Variants in SLC38A3 observed in about 807,000 individuals in gnomAD.
SLC38A3 encodes the protein sodium-coupled neutral amino acid transporter 3.
A neutral mutation model predicts 59.5 loss-of-function variants in SLC38A3; 17 were observed. That is an observed-to-expected ratio of 0.29 (90% CI 0.20 to 0.43). SLC38A3 has a LOEUF of 0.43. Among genes scored for constraint, SLC38A3 ranks in the 20% least tolerant of loss-of-function variants. The pLI, the probability that SLC38A3 is intolerant of heterozygous loss-of-function variation, is 1.00. For synonymous variants in SLC38A3, 238 were observed against 260.3 expected, an observed-to-expected ratio of 0.91 and a Z score of 0.82; for missense variants, 454 against 653.9, an observed-to-expected ratio of 0.69 and a Z score of 3.33.
Position 50,217,833 on chromosome 3 carries a change from A to G in SLC38A3, c.848A>G (p.Asn283Ser), listed in dbSNP as rs771342727. The G allele has an allele frequency of 3.7e-6, 6 of 1,613,918 alleles. No individual in the cohort carries two copies. In the Admixed American group the frequency reaches 1.0e-4, roughly 27 times the overall value. ...TGCACTCCCAGCTACTTCACGCTCA[A>G]CTCACAGGTTCTGACAGGTCAGGGC... ...AFCTPSYFTLNSQTAYTIPIM... is the reference protein window; with the variant it reads ...AFCTPSYFTLSSQTAYTIPIM... The change falls in exon 10 of 16, where the codon AAC (asparagine) becomes AGC (serine). Residue 283 changes from asparagine to serine, a missense_variant. Coordinates refer to ENST00000614032, the MANE Select transcript of SLC38A3 (RefSeq NM_006841.6). This position sits in a 1 kb window ranked among gnomAD's most constrained non-coding sequence, Gnocchi z 4.9.
chr3:50,212,005 C>T (rs1699738590), intron 1 of SLC38A3, among the ~76,000 whole-genome samples: 1 of 152,156 alleles, frequency 6.6e-6, no homozygotes. Flanking sequence ...GGCTGGAGGT[C>T]ACTTAAGGAG....
At chr3:50,209,985 G>A (rs1699701662) in intron 1 of SLC38A3, among the ~76,000 whole-genome samples, 1 of 152,180 alleles carries the variant, frequency 6.6e-6, no homozygotes, top group South Asian at 2.1e-4. Flanking sequence ...GGTAAGAGGT[G>A]TCTTTTCCCT....
intron 1 of SLC38A3, among the ~76,000 whole-genome samples, chr3:50,208,949 C>G (rs1699684390): frequency 6.6e-6 from 1 of 152,200 alleles, no homozygotes; most frequent in Non-Finnish European, 1.5e-5. Flanking sequence ...TGACTTTAGC[C>G]CCCCATCGGA....
chr3:50,212,909 A>G (rs1233308492), intron 1 of SLC38A3, among the ~76,000 whole-genome samples: 1 of 152,180 alleles, frequency 6.6e-6, no homozygotes, highest in Non-Finnish European at 1.5e-5. Context: ...ATTCAGGACC[A>G]GGTTCTGGCT....
At chr3:50,211,271 C>T (rs987610905) in intron 1 of SLC38A3, among the ~76,000 whole-genome samples, 2 of 152,232 alleles carry the variant, frequency 1.3e-5, no homozygotes, top group Non-Finnish European at 1.5e-5. Flanking sequence ...TGGCTGGGGG[C>T]TCCATGCCAG....
chr3:50,214,209 C>A lies in SLC38A3; in HGVS notation c.10C>A (p.Pro4Thr). 6.2e-7 allele frequency: 1 copy of A among 1,613,628 alleles called. No homozygotes were observed. The change falls in exon 2 of 16, where the codon CCT (proline) becomes ACT (threonine). Residue 4 changes from proline (P) to threonine (T), a missense_variant. Transcript: ENST00000614032. This position sits in a 1 kb window ranked among gnomAD's most constrained non-coding sequence, Gnocchi z 6.0. MEA[P>T]LQTEMVELVP... ...TGGTGTGCCCTGAGCCATGGAGGCGCCTTTGCAGACAGAGATGGTGGAGCT... is the reference window on the plus strand; with the variant it reads ...TGGTGTGCCCTGAGCCATGGAGGCGACTTTGCAGACAGAGATGGTGGAGCT...
At chr3:50,211,244 C>G (rs561136258) in intron 1 of SLC38A3, among the ~76,000 whole-genome samples, 1 of 152,346 alleles carries the variant, frequency 6.6e-6, no homozygotes, top group Admixed American at 6.5e-5. Context: ...CAAAAATGGG[C>G]TGGCAGCCTC....
intron 1 of SLC38A3, among the ~76,000 whole-genome samples, chr3:50,209,660 A>G (rs1014562005): frequency 7.3e-5 from 11 of 151,450 alleles, no homozygotes; most frequent in Non-Finnish European, 1.6e-4. Context: ...AAAAAAAAAA[A>G]CAAGAAAAAA....
In SLC38A3 at chr3:50,214,401, G is replaced by T; in HGVS notation, c.102-1G>T. ...CCACCCACCCTGACCTGTGCCTACA[G>T]GGTCGAGGACCCTGCACGGAGCTGT... On this transcript the variant is annotated splice_acceptor_variant, in intron 2 of 15. Transcript: ENST00000614032. LOFTEE classifies it high-confidence loss of function. The surrounding 1 kb of genome is among the most constrained non-coding windows in gnomAD (Gnocchi z 6.0). 6.3e-7 allele frequency: 1 copy of T among 1,592,380 alleles called. No individual in the cohort carries two copies. Among genetic ancestry groups the T allele is most frequent in the Non-Finnish European group, 8.6e-7 (1 of 1,169,496 alleles).
At position 50,218,330 on chromosome 3, in the gene SLC38A3, G is replaced by T; in HGVS notation, c.996G>T (p.Met332Ile). 1 of 1,613,682 alleles carries T rather than the reference G, an allele frequency of 6.2e-7. No homozygotes were observed. Reference sequence around the variant, plus strand: ...TGTCCATCGCTGTCATGTACATCATGTACTTCCTGGCTGCCCTCTTCGGCT... The same window carrying T: ...TGTCCATCGCTGTCATGTACATCATTTACTTCCTGGCTGCCCTCTTCGGCT... ...SNLSIAVMYI[M>I]YFLAALFGYL... The change falls in exon 12 of 16, where the codon ATG (methionine) becomes ATT (isoleucine). Residue 332 changes from methionine (M) to isoleucine (I), a missense_variant. Physicochemically the swap from Met to Ile is conservative, Grantham distance 10. Coordinates refer to ENST00000614032, the MANE Select transcript of SLC38A3 (RefSeq NM_006841.6). This position sits in a 1 kb window ranked among gnomAD's most constrained non-coding sequence, Gnocchi z 5.8.
In SLC38A3 at chr3:50,217,341, G is replaced by A; in HGVS notation, c.631+21G>A. 6.2e-7 allele frequency: 1 copy of A among 1,612,288 alleles called. No homozygotes were observed. Among genetic ancestry groups the A allele is most frequent in the Non-Finnish European group, 8.5e-7 (1 of 1,178,968 alleles). ...GCTTGGTGAGTGTGGAAGGGTCAGA[G>A]CCTTGGAGGGGATGTTGGAGGCATA... On this transcript the variant is annotated intron_variant, in intron 8 of 15. Transcript: ENST00000614032. The surrounding 1 kb of genome is among the most constrained non-coding windows in gnomAD (Gnocchi z 4.9).
chr3:50,206,126 CCCCTT>C (rs1699644431), intron 1 of SLC38A3, among the ~76,000 whole-genome samples: 1 of 152,258 alleles, frequency 6.6e-6, no homozygotes, highest in Admixed American at 6.5e-5. Context: ...GCCCGGTTGG[CCCCTT>C]CGATTGGCCA....
chr3:50,207,302 T>G (rs749784830), intron 1 of SLC38A3: 4 of 152,144 alleles, frequency 2.6e-5, no homozygotes, highest in East Asian at 1.9e-4. Context: ...TGCATTCCAT[T>G]CGTTTATTTT....
chr3:50,220,392 A>G lies in SLC38A3; in HGVS notation c.*215A>G, dbSNP rs79997200. 4,508 of 568,604 alleles carry G rather than the reference A, an allele frequency of 7.9e-3. 168 individuals are homozygous for G. Among genetic ancestry groups the G allele is most frequent in the African/African-American group, 0.075 (3,978 of 53,336 alleles). The allele number at this position is 568,604 out of a possible 1,614,324, so 35.2% of individuals were successfully genotyped here. A position where few individuals can be genotyped will look rare whatever the true frequency, so the allele number is the denominator to read the frequency against. On this transcript the variant is annotated 3_prime_UTR_variant, in exon 16 of 16. Coordinates refer to ENST00000614032, the MANE Select transcript of SLC38A3 (RefSeq NM_006841.6). The stretch of plus-strand genomic sequence containing the variant: ...ACCCTGCTAGGCTCTGGAGCTGTAG[A>G]GGCTTCCTGAACTGGGAGCAGGGTA...
Position 50,220,476 on chromosome 3 carries a change from A to C in SLC38A3, c.*299A>C. The stretch of plus-strand genomic sequence containing the variant: ...ATTCCCTCCTTGCACAGATGCATAC[A>C]CTGGGGCCCAGCAGCTGCCTCCTGA... On this transcript the variant is annotated 3_prime_UTR_variant, in exon 16 of 16. Coordinates refer to ENST00000614032, the MANE Select transcript of SLC38A3 (RefSeq NM_006841.6). 1 of 384,420 alleles carries C rather than the reference A, an allele frequency of 2.6e-6. No homozygotes were observed. The highest frequency in any genetic ancestry group is 4.8e-6 in the Non-Finnish European group (1 of 206,536). 23.8% of individuals were successfully genotyped at this position (384,420 alleles called of 1,614,324 possible).
intron 1 of SLC38A3, among the ~76,000 whole-genome samples, chr3:50,206,560 G>T (rs1262098193): frequency 3.9e-5 from 6 of 152,226 alleles, no homozygotes; most frequent in Admixed American, 3.9e-4. Flanking sequence ...TTTTGAATGG[G>T]GGAAATTCGG....
chr3:50,215,940 A>C lies in SLC38A3; in HGVS notation c.548+119A>C. The C allele has an allele frequency of 1.3e-6, 1 of 769,960 alleles. No individual in the cohort carries two copies. The highest frequency in any genetic ancestry group is 2.2e-6 in the Non-Finnish European group (1 of 464,114). 47.7% of individuals were successfully genotyped at this position (769,960 alleles called of 1,614,324 possible). A position where few individuals can be genotyped will look rare whatever the true frequency, so the allele number is the denominator to read the frequency against. On this transcript the variant is annotated intron_variant, in intron 7 of 15. Transcript: ENST00000614032. The surrounding 1 kb of genome is among the most constrained non-coding windows in gnomAD (Gnocchi z 7.1). ...CTGGGCTGGTGGGAGAGACAAGACAAAGCAGACAAGAAGCTGGTGGAGTGG... is the reference window on the plus strand; with the variant it reads ...CTGGGCTGGTGGGAGAGACAAGACACAGCAGACAAGAAGCTGGTGGAGTGG...
At position 50,218,065 on chromosome 3, in the gene SLC38A3, C is replaced by A; in HGVS notation, c.935+69C>A. The A allele has an allele frequency of 6.7e-7, 1 of 1,484,072 alleles. No individual in the cohort carries two copies. The highest frequency in any genetic ancestry group is 1.2e-5 in the South Asian group (1 of 86,882). The allele number at this position is 1,484,072 out of a possible 1,614,324, so 91.9% of individuals were successfully genotyped here. On this transcript the variant is annotated intron_variant, in intron 11 of 15. Coordinates refer to ENST00000614032, the MANE Select transcript of SLC38A3 (RefSeq NM_006841.6). This position sits in a 1 kb window ranked among gnomAD's most constrained non-coding sequence, Gnocchi z 5.8. ...TGGTTTGGGGAGAATGGATGTGGTCCTGAATGTGGAGAGGGGAGTGACAGG... is the reference window on the plus strand; with the variant it reads ...TGGTTTGGGGAGAATGGATGTGGTCATGAATGTGGAGAGGGGAGTGACAGG...
rs778473239 is a variant in SLC38A3, at chr3:50,219,863, A to C, written c.1307-18A>C. ...AGGAGGATATGAGCCAGCAGTGGCC[A>C]TGTCTTGTTCTTTGCAGGTGCCACA... On this transcript the variant is annotated intron_variant, in intron 14 of 15. Transcript: ENST00000614032. 3.8e-6 allele frequency: 6 copies of C among 1,598,732 alleles called. No homozygotes were observed. The highest frequency in any genetic ancestry group is 5.1e-6 in the Non-Finnish European group (6 of 1,170,428).
Sources: gnomAD v4.1 joint callset for allele counts (sites outside exome capture counted in the v4.1 genomes callset) on GRCh38, gnomAD v4.1.1 for gene constraint, Gnocchi (gnomAD v3.1) non-coding constraint, MANE v1.5 for transcripts, NCBI Gene and HGNC (gene_info 2026-07-23, HGNC 2026-07-21) for gene names.